Variants in CFAP61 observed in about 807,000 individuals in gnomAD.
The protein encoded by CFAP61 is cilia and flagella associated protein 61, also known as cilia- and flagella-associated protein 61.
In CFAP61, 107 loss-of-function variants were observed where a neutral mutation model predicts 135.6. That is an observed-to-expected ratio of 0.79 (90% confidence interval 0.67 to 0.93). The LOEUF is 0.93. Among genes scored for constraint, CFAP61 ranks in the 40% least tolerant of loss-of-function variants. The probability of loss-of-function intolerance (pLI) is 0.00; values close to 1 mark genes in which losing one functional copy is unlikely to be tolerated. For missense variants in CFAP61, 1,507 were observed against 1,556.2 expected (o/e 0.97, Z 0.53); for synonymous variants, 575 against 578.5 (o/e 0.99, Z 0.09).
chr20:20,358,659 TA>T (rs2059364479), intron 26 of CFAP61, among the ~76,000 whole-genome samples: 1 of 152,202 alleles, frequency 6.6e-6, no homozygotes, highest in Non-Finnish European at 1.5e-5. Flanking sequence ...TGCTCTAGTT[TA>T]AATCTGAATT....
At chr20:20,307,881 A>T (rs1195839128) in intron 25 of CFAP61, among the ~76,000 whole-genome samples, 8 of 152,226 alleles carry the variant, frequency 5.3e-5, no homozygotes, top group Non-Finnish European at 1.0e-4. Flanking sequence ...TATAAGTTTC[A>T]CTTAAAAATG....
intron 7 of CFAP61, among the ~76,000 whole-genome samples, chr20:20,092,592 A>G (rs1402983679): frequency 2.0e-5 from 3 of 151,210 alleles, no homozygotes; most frequent in Admixed American, 6.6e-5. Flanking sequence ...TACCATGCCA[A>G]TGACTTGGAT....
At chr20:20,246,318 T>A in intron 19 of CFAP61, 103 bp downstream of exon 19, 1 of 798,074 alleles carries the variant, frequency 1.3e-6, no homozygotes, top group Non-Finnish European at 2.2e-6. Context: ...AAAGGAGAAG[T>A]GGTGGGGCTT....
chr20:20,196,437 G>A (rs531333423), intron 15 of CFAP61, 133 bp from the exon 16 acceptor site: 82 of 666,548 alleles, frequency 1.2e-4, no homozygotes, highest in African/African-American at 1.2e-3. Context: ...TGGAGATGAG[G>A]TGGCAAATAT....
intron 6 of CFAP61, among the ~76,000 whole-genome samples, chr20:20,086,863 C>T (rs1287562509): frequency 1.3e-5 from 2 of 152,104 alleles, no homozygotes; most frequent in East Asian, 1.9e-4. Context: ...TCATTGGGTT[C>T]CTGGGAAGGG....
Position 20,298,397 on chromosome 20 carries a change from C to T in CFAP61, c.3422+11C>T. ...CACAGATCTCTATAGGTGAGTTGGA[C>T]ATTGCATTTGACTACAGGGAAATAC... is the stretch of plus-strand genomic sequence containing the variant. On this transcript the variant is annotated intron_variant, in intron 25 of 26. Transcript: ENST00000245957. 6.2e-7 allele frequency: 1 copy of T among 1,606,114 alleles called. No individual in the cohort carries two copies. The highest frequency in any genetic ancestry group is 8.5e-7 in the Non-Finnish European group (1 of 1,172,916).
intron 11 of CFAP61, among the ~76,000 whole-genome samples, chr20:20,164,913 C>T (rs1454252897): frequency 6.6e-6 from 1 of 152,180 alleles, no homozygotes. Context: ...CAATGAGAGC[C>T]AAGTGAAAGG....
At chr20:20,103,224 T>TA (rs929416074) in intron 8 of CFAP61, among the ~76,000 whole-genome samples, 7 of 151,540 alleles carry the variant, frequency 4.6e-5, no homozygotes, top group South Asian at 2.1e-4. Context: ...GGTTCTACCT[T>TA]AAAAAAAAAG....
chr20:20,098,124 T>C (rs1278162734), intron 7 of CFAP61, among the ~76,000 whole-genome samples: 1 of 152,118 alleles, frequency 6.6e-6, no homozygotes, highest in East Asian at 1.9e-4. Flanking sequence ...GCAATTTCCC[T>C]GTTACTTATG....
At chr20:20,173,224 A>G (rs1478187869) in intron 13 of CFAP61, among the ~76,000 whole-genome samples, 2 of 152,242 alleles carry the variant, frequency 1.3e-5, no homozygotes, top group Non-Finnish European at 2.9e-5. Context: ...GTTATGAATA[A>G]AGCTGCTATA....
chr20:20,330,489 C>T (rs1249445222), intron 25 of CFAP61, among the ~76,000 whole-genome samples: 1 of 152,098 alleles, frequency 6.6e-6, no homozygotes, highest in Non-Finnish European at 1.5e-5. Context: ...GCATGTGACA[C>T]CCCACCCAGC....
chr20:20,315,819 C>G (rs977073171), intron 25 of CFAP61, among the ~76,000 whole-genome samples: 4 of 152,236 alleles, frequency 2.6e-5, no homozygotes, highest in African/African-American at 7.2e-5. Context: ...GCTTGTTTTT[C>G]TCAGGTTTGT....
intron 9 of CFAP61, among the ~76,000 whole-genome samples, chr20:20,155,547 A>C (rs2052826398): frequency 6.6e-6 from 1 of 152,212 alleles, no homozygotes; most frequent in Admixed American, 6.5e-5. Context: ...TCCAGAATCT[A>C]CAAAGAACTC....
intron 17 of CFAP61, among the ~76,000 whole-genome samples, chr20:20,204,801 G>A (rs943918304): frequency 5.3e-5 from 8 of 152,076 alleles, no homozygotes; most frequent in African/African-American, 9.7e-5. Flanking sequence ...TTAATGTGAC[G>A]ATGGGAGGCA....
intron 19 of CFAP61, among the ~76,000 whole-genome samples, chr20:20,246,431 G>A: frequency 6.6e-6 from 1 of 152,234 alleles, no homozygotes; most frequent in Middle Eastern, 3.2e-3. Flanking sequence ...CTATCCGTGG[G>A]AAGACATCTG....
chr20:20,054,386 A>G (rs6081849), intron 1 of CFAP61, among the ~76,000 whole-genome samples: 21,477 of 151,060 alleles, frequency 0.14, 1,658 homozygotes, highest in East Asian at 0.22. Context: ...TGGACTGTGA[A>G]TGAGCTAGGG....
intron 24 of CFAP61, among the ~76,000 whole-genome samples, chr20:20,297,067 G>T (rs141441958): frequency 7.2e-5 from 11 of 152,104 alleles, no homozygotes; most frequent in African/African-American, 2.4e-4. Context: ...GCACCTGGGG[G>T]TGGCCCAGGA....
intron 25 of CFAP61, among the ~76,000 whole-genome samples, chr20:20,313,946 C>T (rs937445817): frequency 2.0e-5 from 3 of 152,266 alleles, no homozygotes; most frequent in African/African-American, 4.8e-5. Context: ...AATCCACTCC[C>T]GTGAGAACCA....
intron 15 of CFAP61, among the ~76,000 whole-genome samples, chr20:20,194,968 T>C (rs1298544954): frequency 6.6e-6 from 1 of 152,212 alleles, no homozygotes; most frequent in African/African-American, 2.4e-5. Context: ...GCTAATAACC[T>C]CTGTTGGCTC....
Sources: allele counts gnomAD v4.1 joint callset (sites outside exome capture counted in the v4.1 genomes callset), GRCh38; gene constraint gnomAD v4.1.1; transcripts MANE v1.5; gene names NCBI Gene and HGNC (gene_info 2026-07-23, HGNC 2026-07-21).